NXPH1: variants seen among roughly 807,000 people sequenced by gnomAD.
The protein encoded by NXPH1 is neurexophilin-1.
NXPH1 carries 5 observed loss-of-function variants against 23.7 expected under a neutral mutation model. That is an observed-to-expected ratio of 0.21 (90% CI 0.11 to 0.44). NXPH1 has a LOEUF of 0.44. Ranked by LOEUF, NXPH1 falls within the 20% of genes least tolerant of loss-of-function variation. The pLI is 0.99. For synonymous variants in NXPH1, 144 were observed against 122.2 expected (o/e 1.18, Z -1.18); for missense variants, 324 against 321.6 (o/e 1.01, Z -0.06).
chr7:8,497,454 T>C, intron 2 of NXPH1, among the ~76,000 whole-genome samples: 1 of 152,162 alleles, frequency 6.6e-6, no homozygotes, highest in East Asian at 1.9e-4. Flanking sequence ...TCCACAATGG[T>C]TGAACTAGTT....
chr7:8,719,199 A>G (rs996764345), intron 2 of NXPH1, among the ~76,000 whole-genome samples: 1 of 152,204 alleles, frequency 6.6e-6, no homozygotes, highest in African/African-American at 2.4e-5. Context: ...TTGTTTTAAA[A>G]TATGCAAAGC....
intron 2 of NXPH1, among the ~76,000 whole-genome samples, chr7:8,627,970 A>G (rs146866065): frequency 7.2e-5 from 11 of 152,274 alleles, no homozygotes; most frequent in African/African-American, 2.6e-4. Flanking sequence ...CAAAAAGAGA[A>G]GGACAAGGAA....
At chr7:8,594,639 G>T (rs553209405) in intron 2 of NXPH1, among the ~76,000 whole-genome samples, 2 of 151,860 alleles carry the variant, frequency 1.3e-5, no homozygotes, top group Non-Finnish European at 2.9e-5. Flanking sequence ...ATGAGGACTT[G>T]GGGGGAAGAG....
chr7:8,660,798 C>G (rs1820658225), intron 2 of NXPH1, among the ~76,000 whole-genome samples: 1 of 152,110 alleles, frequency 6.6e-6, no homozygotes, highest in African/African-American at 2.4e-5. Context: ...TGTACAAGAA[C>G]AAGTTTAAGG....
intron 2 of NXPH1, among the ~76,000 whole-genome samples, chr7:8,651,026 G>T (rs1339489681): frequency 1.3e-5 from 2 of 150,790 alleles, no homozygotes; most frequent in Non-Finnish European, 3.0e-5. Flanking sequence ...CAATGTGCAG[G>T]TTAGTTACAT....
intron 2 of NXPH1, among the ~76,000 whole-genome samples, chr7:8,463,194 T>C (rs1351468061): frequency 6.6e-6 from 1 of 152,174 alleles, no homozygotes; most frequent in African/African-American, 2.4e-5. Flanking sequence ...TACATACTGC[T>C]CCTTTAAAAC....
chr7:8,581,264 C>T (rs1229695836), intron 2 of NXPH1, among the ~76,000 whole-genome samples: 1 of 152,114 alleles, frequency 6.6e-6, no homozygotes, highest in Admixed American at 6.5e-5. Context: ...TCCATTCTTG[C>T]ATTGCTATGA....
At chr7:8,697,557 T>A (rs1779554575) in intron 2 of NXPH1, among the ~76,000 whole-genome samples, 1 of 152,192 alleles carries the variant, frequency 6.6e-6, no homozygotes, top group Non-Finnish European at 1.5e-5. Context: ...GATTTTAACC[T>A]GAACAACTTG....
intron 2 of NXPH1, among the ~76,000 whole-genome samples, chr7:8,465,871 T>A (rs2128607563): frequency 6.6e-6 from 1 of 152,280 alleles, no homozygotes; most frequent in South Asian, 2.1e-4. Flanking sequence ...CTAACTAAAC[T>A]GGAGACTGTT....
chr7:8,442,684 G>T lies in NXPH1; in HGVS notation c.54+6917G>T, dbSNP rs1816322915. On this transcript the variant is annotated intron_variant, in intron 2 of 2. Transcript: ENST00000405863. This position sits in a 1 kb window ranked among gnomAD's most constrained non-coding sequence, Gnocchi z 4.6. ...GTTCAGGCCCCGGGGTTTCCCAGCC[G>T]TAGTGGCCGCCGCCACAGCTGCGCG... Among the ~76,000 whole-genome samples, 1 of 152,226 alleles carries T rather than the reference G, an allele frequency of 6.6e-6. No individual in the cohort carries two copies. The highest frequency in any genetic ancestry group is 1.5e-5 in the Non-Finnish European group (1 of 68,032).
At position 8,435,808 on chromosome 7, in the gene NXPH1, G is replaced by T. The variant is rs749788258; in HGVS notation, c.54+41G>T. 7.5e-6 allele frequency: 12 copies of T among 1,596,302 alleles called. No homozygotes were observed. Among genetic ancestry groups the T allele is most frequent in the Non-Finnish European group, 4.3e-6 (5 of 1,164,242 alleles). ...TTCGGGGCTTTCGCATTTTTACCCC[G>T]GCCGGGAGGCAAGGAAACTGGGGAC... is the stretch of plus-strand genomic sequence containing the variant. On this transcript the variant is annotated intron_variant, in intron 2 of 2. Transcript: ENST00000405863. This position sits in a 1 kb window ranked among gnomAD's most constrained non-coding sequence, Gnocchi z 5.9.
chr7:8,602,276 C>T (rs1819379025), intron 2 of NXPH1, among the ~76,000 whole-genome samples: 1 of 151,958 alleles, frequency 6.6e-6, no homozygotes, highest in Non-Finnish European at 1.5e-5. Context: ...ATTTTTCTTC[C>T]TTCATTAGAG....
At chr7:8,747,720 C>G (rs760985760) in intron 2 of NXPH1, among the ~76,000 whole-genome samples, 1 of 152,148 alleles carries the variant, frequency 6.6e-6, no homozygotes, top group Non-Finnish European at 1.5e-5. Context: ...GCTTATGTAA[C>G]TAGGCAAGTG....
At chr7:8,691,113 C>T (rs1333593125) in intron 2 of NXPH1, among the ~76,000 whole-genome samples, 1 of 152,080 alleles carries the variant, frequency 6.6e-6, no homozygotes, top group African/African-American at 2.4e-5. Flanking sequence ...ATAATCCTAA[C>T]TTTCCAATGA....
rs533703476 is a variant in NXPH1, at chr7:8,451,410, G to A, written c.54+15643G>A. On this transcript the variant is annotated intron_variant, in intron 2 of 2. Transcript: ENST00000405863. ...CGAAGCACAGATGGCTTTATCAGCA[G>A]CAGTAGGAGTTTCTTTTTCTTACTA... Among the ~76,000 whole-genome samples the A allele has an allele frequency of 4.6e-5, 7 of 152,302 alleles. No individual in the cohort carries two copies. The East Asian group carries it at 1.3e-3, about 29-fold the overall frequency.
At chr7:8,725,927 G>T (rs913461695) in intron 2 of NXPH1, among the ~76,000 whole-genome samples, 1 of 152,134 alleles carries the variant, frequency 6.6e-6, no homozygotes, top group African/African-American at 2.4e-5. Flanking sequence ...TCAATCTAAG[G>T]TCTAAATGAC....
chr7:8,458,011 T>C (rs988207166), intron 2 of NXPH1, among the ~76,000 whole-genome samples: 11 of 152,362 alleles, frequency 7.2e-5, no homozygotes, highest in African/African-American at 2.4e-4. Flanking sequence ...TAAATGTTTT[T>C]ATTGAATTAT....
chr7:8,514,273 T>C (rs777334950), intron 2 of NXPH1, among the ~76,000 whole-genome samples: 130 of 152,160 alleles, frequency 8.5e-4, no homozygotes, highest in Admixed American at 2.4e-3. Context: ...AAGCTATAAG[T>C]GTTGCTTCTC....
At chr7:8,712,553 G>T (rs1476044029) in intron 2 of NXPH1, among the ~76,000 whole-genome samples, 1 of 152,048 alleles carries the variant, frequency 6.6e-6, no homozygotes, top group African/African-American at 2.4e-5. Context: ...GATTTCAATC[G>T]AATGAGAAAA....
Sources: allele counts gnomAD v4.1 joint callset (sites outside exome capture counted in the v4.1 genomes callset), GRCh38; gene constraint gnomAD v4.1.1; non-coding constraint Gnocchi (gnomAD v3.1); transcripts MANE v1.5; gene names NCBI Gene and HGNC (gene_info 2026-07-23, HGNC 2026-07-21).